The following FCHO2 variants were observed in gnomAD, a reference collection of about 807,000 sequenced individuals.
FCHO2 encodes the protein F-BAR domain only protein 2.
Under a neutral mutation model 114.1 loss-of-function variants are expected in FCHO2, and 43 were observed. The ratio of observed to expected loss-of-function variants is 0.38; its 90% CI spans 0.30 to 0.49. FCHO2 has a LOEUF of 0.49. Ranked by LOEUF, FCHO2 falls within the 20% of genes least tolerant of loss-of-function variation. FCHO2 has a pLI of 0.97. For synonymous variants in FCHO2, 293 were observed against 315.2 expected (o/e 0.93, Z 0.75); for missense variants, 807 against 950.4 (o/e 0.85, Z 1.98).
At chr5:72,987,165 C>T (rs1753569767) in intron 2 of FCHO2, among the ~76,000 whole-genome samples, 1 of 152,106 alleles carries the variant, frequency 6.6e-6, no homozygotes, top group East Asian at 1.9e-4. Context: ...CGTGAGCCAC[C>T]GTGCCCGGCC....
At chr5:73,006,106 TTC>T (rs151093607) in intron 5 of FCHO2, among the ~76,000 whole-genome samples, 17,878 of 152,200 alleles carry the variant, frequency 0.12, 1,264 homozygotes, top group Non-Finnish European at 0.17. Context: ...GTCTGGAAGT[TTC>T]TCTCCAACAG....
At chr5:72,972,091 T>G (rs552932370) in intron 2 of FCHO2, among the ~76,000 whole-genome samples, 173 of 152,194 alleles carry the variant, frequency 1.1e-3, no homozygotes, top group African/African-American at 4.0e-3. Context: ...CCATGCTGTT[T>G]TGGTTACTGT....
intron 2 of FCHO2, among the ~76,000 whole-genome samples, chr5:72,983,945 G>A (rs1187953638): frequency 2.0e-5 from 3 of 151,908 alleles, no homozygotes; most frequent in Non-Finnish European, 4.4e-5. Flanking sequence ...TGTTCAACTC[G>A]AGTGACTAAT....
intron 12 of FCHO2, 134 bp from the exon 13 acceptor site, chr5:73,052,198 C>A: frequency 1.2e-6 from 1 of 804,498 alleles, no homozygotes; most frequent in Non-Finnish European, 1.9e-6. Context: ...CCTGGGATTA[C>A]AGGCGTGAGC....
At chr5:72,995,505 C>G (rs1218702719) in intron 5 of FCHO2, among the ~76,000 whole-genome samples, 1 of 152,158 alleles carries the variant, frequency 6.6e-6, no homozygotes, top group Non-Finnish European at 1.5e-5. Flanking sequence ...ATCTGCCTGC[C>G]TTGGCCTCCC....
intron 2 of FCHO2, among the ~76,000 whole-genome samples, chr5:72,977,834 A>G (rs1011871571): frequency 6.6e-6 from 1 of 152,206 alleles, no homozygotes; most frequent in African/African-American, 2.4e-5. Flanking sequence ...AGTTTTCTGC[A>G]TATGGTTAGC....
intron 2 of FCHO2, among the ~76,000 whole-genome samples, chr5:72,980,433 G>A (rs1338468088): frequency 1.3e-5 from 2 of 152,114 alleles, no homozygotes; most frequent in African/African-American, 4.8e-5. Flanking sequence ...TTGATTTTGC[G>A]GGGAGGGTTC....
intron 11 of FCHO2, among the ~76,000 whole-genome samples, chr5:73,050,294 C>CTATTTATT (rs3054232): frequency 0.09 from 11,163 of 123,506 alleles, 537 homozygotes; most frequent in Non-Finnish European, 0.13. Flanking sequence ...TAGCTTTCTG[C>CTATTTATT]TATTTATTTA....
At chr5:73,011,385 A>G (rs1299208330) in intron 6 of FCHO2, among the ~76,000 whole-genome samples, 4 of 152,226 alleles carry the variant, frequency 2.6e-5, no homozygotes, top group African/African-American at 9.6e-5. Flanking sequence ...TAAAGTAGAA[A>G]CACATTGTAC....
intron 2 of FCHO2, among the ~76,000 whole-genome samples, chr5:72,974,490 T>A (rs868223620): frequency 0.014 from 2,144 of 150,312 alleles, 57 homozygotes; most frequent in African/African-American, 0.045. Flanking sequence ...TCTTTGTTGG[T>A]TTAAAGTCTG....
intron 5 of FCHO2, among the ~76,000 whole-genome samples, chr5:72,992,478 G>A (rs1753858328): frequency 6.6e-6 from 1 of 152,172 alleles, no homozygotes; most frequent in Non-Finnish European, 1.5e-5. Flanking sequence ...TATGCAAGCT[G>A]TTGAACTCAA....
chr5:72,960,793 G>A (rs1751814548), intron 1 of FCHO2, among the ~76,000 whole-genome samples: 1 of 152,136 alleles, frequency 6.6e-6, no homozygotes, highest in Non-Finnish European at 1.5e-5. Context: ...AAACATACCT[G>A]AGTTGAATAG....
chr5:72,976,793 C>T (rs1279308403), intron 2 of FCHO2, among the ~76,000 whole-genome samples: 1 of 150,014 alleles, frequency 6.7e-6, no homozygotes, highest in Non-Finnish European at 1.5e-5. Context: ...CCCCAACCCC[C>T]AAACAGGCCC....
intron 8 of FCHO2, among the ~76,000 whole-genome samples, chr5:73,027,762 T>G (rs1265650241): frequency 6.6e-6 from 1 of 152,190 alleles, no homozygotes; most frequent in Non-Finnish European, 1.5e-5. Flanking sequence ...CCAAAAGATT[T>G]GGACACTTCC....
chr5:73,033,163 G>T (rs1414505280), intron 8 of FCHO2, among the ~76,000 whole-genome samples: 1 of 152,014 alleles, frequency 6.6e-6, no homozygotes, highest in East Asian at 1.9e-4. Flanking sequence ...ATTTTTAATT[G>T]GGTCATTTTC....
intron 11 of FCHO2, among the ~76,000 whole-genome samples, chr5:73,043,903 G>A (rs987900735): frequency 6.6e-6 from 1 of 152,132 alleles, no homozygotes; most frequent in Non-Finnish European, 1.5e-5. Context: ...TGGCTGATGT[G>A]ACTTGGATTT....
intron 1 of FCHO2, 75 bp downstream of exon 1, chr5:72,956,204 T>G: frequency 2.1e-6 from 3 of 1,431,276 alleles, no homozygotes; most frequent in Non-Finnish European, 1.9e-6. Flanking sequence ...CTGCGTGCGC[T>G]TCGGGCGGCG....
chr5:72,982,826 ATTTTTTT>A (rs36075860), intron 2 of FCHO2, among the ~76,000 whole-genome samples: 3 of 108,146 alleles, frequency 2.8e-5, no homozygotes, highest in South Asian at 3.0e-4. Flanking sequence ...GTCTGGATTC[ATTTTTTT>A]TTTTTTTTTT....
chr5:73,010,954 C>T (rs1014018773), intron 6 of FCHO2, among the ~76,000 whole-genome samples: 1 of 151,146 alleles, frequency 6.6e-6, no homozygotes, highest in Non-Finnish European at 1.5e-5. Context: ...TGCTACAGAC[C>T]TGGCTATATG....
Sources: allele counts gnomAD v4.1 joint callset (sites outside exome capture counted in the v4.1 genomes callset), GRCh38; gene constraint gnomAD v4.1.1; transcripts MANE v1.5; gene names NCBI Gene and HGNC (gene_info 2026-07-23, HGNC 2026-07-21).